The following DLG1 variants were observed in gnomAD, a reference collection of about 807,000 sequenced individuals.
DLG1 encodes disks large homolog 1.
In DLG1, 42 loss-of-function variants were observed where a neutral mutation model predicts 123.4. The ratio of observed to expected loss-of-function variants is 0.34; its 90% CI spans 0.27 to 0.44. The LOEUF (loss-of-function observed/expected upper bound fraction) is 0.44. DLG1 is among the 20% of genes least tolerant of loss of function. The pLI, the probability that DLG1 is intolerant of heterozygous loss-of-function variation, is 1.00. For missense variants in DLG1, 942 were observed against 1,082.6 expected, an observed-to-expected ratio of 0.87 and a Z score of 1.82; for synonymous variants, 317 against 356.2, an observed-to-expected ratio of 0.89 and a Z score of 1.24.
intron 13 of DLG1, among the ~76,000 whole-genome samples, chr3:197,107,565 C>A (rs1238984400): frequency 2.6e-5 from 4 of 151,106 alleles, no homozygotes; most frequent in Admixed American, 6.6e-5. Context: ...AACAAAAAAA[C>A]CAAACCCAAA....
chr3:197,088,059 T>C (rs1354443045), intron 15 of DLG1, among the ~76,000 whole-genome samples: 1 of 152,136 alleles, frequency 6.6e-6, no homozygotes, highest in Admixed American at 6.5e-5. Flanking sequence ...TCTAAGGATA[T>C]TTAATTATAG....
intron 4 of DLG1, among the ~76,000 whole-genome samples, chr3:197,259,946 G>A (rs2150950682): frequency 6.6e-6 from 1 of 152,282 alleles, no homozygotes; most frequent in African/African-American, 2.4e-5. Flanking sequence ...GGACACAAAG[G>A]GGAGAAGAGT....
At chr3:197,127,423 CAAAAAAAAAAAAAAAAAAAAAA>C (rs34530877) in intron 11 of DLG1, among the ~76,000 whole-genome samples, 1 of 39,560 alleles carries the variant, frequency 2.5e-5, no homozygotes. Flanking sequence ...ATTCTGTCTC[CAAAAAAAAAAAAAAAAAAAAAA>C]AAAAAAAAAA....
intron 5 of DLG1, among the ~76,000 whole-genome samples, chr3:197,172,940 G>A (rs552299899): frequency 6.6e-6 from 1 of 152,170 alleles, no homozygotes; most frequent in South Asian, 2.1e-4. Flanking sequence ...TTCTTACTGA[G>A]GGCTCATATT....
At chr3:197,139,983 T>C (rs1387120660) in intron 8 of DLG1, among the ~76,000 whole-genome samples, 157 bp downstream of exon 8, 2 of 152,224 alleles carry the variant, frequency 1.3e-5, no homozygotes, top group African/African-American at 4.8e-5. Context: ...GCTTAGAGCA[T>C]AATTATCTCA....
intron 4 of DLG1, chr3:197,225,814 A>G (rs1578320743): frequency 6.6e-6 from 1 of 152,664 alleles, no homozygotes; most frequent in South Asian, 2.1e-4. Context: ...ATACTATTGG[A>G]TTTTAAAACC....
intron 7 of DLG1, 100 bp downstream of exon 7, chr3:197,142,618 C>T (rs1788594442): frequency 3.6e-6 from 3 of 835,542 alleles, no homozygotes; most frequent in African/African-American, 3.6e-5. Context: ...TAGAAAATAT[C>T]ATATAGTTCT....
intron 7 of DLG1, among the ~76,000 whole-genome samples, chr3:197,140,779 G>A (rs566777637): frequency 6.6e-6 from 1 of 152,270 alleles, no homozygotes; most frequent in Non-Finnish European, 1.5e-5. Flanking sequence ...CCAAATTGTG[G>A]CTGCTAAGTG....
In DLG1 at chr3:197,136,490, A is replaced by T. The variant is rs1364650120; in HGVS notation, c.1020+52T>A. 6 of 1,506,462 alleles carry T rather than the reference A, an allele frequency of 4.0e-6. No homozygotes were observed. The East Asian group carries it at 1.4e-4, about 35-fold the overall frequency. The allele number at this position is 1,506,462 out of a possible 1,614,324, so 93.3% of individuals were successfully genotyped here. A position where few individuals can be genotyped will look rare whatever the true frequency, so the allele number is the denominator to read the frequency against. ...GGAGAAATTCCAGTATCTATCAGAAAAATAAACAGACTACAAAATGATTTA... is the reference window on the plus strand; with the variant it reads ...GGAGAAATTCCAGTATCTATCAGAATAATAAACAGACTACAAAATGATTTA... On this transcript the variant is annotated intron_variant, in intron 10 of 24. Transcript: ENST00000667157.
chr3:197,257,977 C>T (rs115742111), intron 4 of DLG1, among the ~76,000 whole-genome samples: 3,868 of 152,172 alleles, frequency 0.025, 163 homozygotes, highest in African/African-American at 0.088. Flanking sequence ...AACTTACAAA[C>T]ACAAAAATAA....
At chr3:197,090,674 T>C (rs568517209) in intron 15 of DLG1, among the ~76,000 whole-genome samples, 1 of 152,194 alleles carries the variant, frequency 6.6e-6, no homozygotes, top group South Asian at 2.1e-4. Flanking sequence ...AGAAATTTCT[T>C]CCTTTATTAT....
chr3:197,190,427 C>A (rs1419972738), intron 5 of DLG1, among the ~76,000 whole-genome samples: 1 of 152,094 alleles, frequency 6.6e-6, no homozygotes, highest in African/African-American at 2.4e-5. Flanking sequence ...CCTCTGTATA[C>A]TTGGGTTTTG....
intron 4 of DLG1, among the ~76,000 whole-genome samples, chr3:197,203,255 C>A (rs545035886): frequency 1.3e-5 from 2 of 152,060 alleles, no homozygotes; most frequent in African/African-American, 2.4e-5. Context: ...CAGAGTGAGA[C>A]CCTGTCTCAA....
intron 4 of DLG1, among the ~76,000 whole-genome samples, chr3:197,236,723 C>T (rs1746173034): frequency 6.6e-6 from 1 of 152,162 alleles, no homozygotes; most frequent in Non-Finnish European, 1.5e-5. Flanking sequence ...ACAGTTTTAC[C>T]AAGTAACGGA....
intron 5 of DLG1, among the ~76,000 whole-genome samples, chr3:197,185,898 C>T (rs1177555810): frequency 8.5e-5 from 13 of 152,136 alleles, no homozygotes; most frequent in Admixed American, 8.5e-4. Flanking sequence ...AGCCAGAGAA[C>T]TTAGGGGTCA....
At chr3:197,121,335 G>A (rs1041014155) in intron 11 of DLG1, among the ~76,000 whole-genome samples, 15 of 152,038 alleles carry the variant, frequency 9.9e-5, no homozygotes, top group African/African-American at 3.6e-4. Context: ...AGAAGCACAA[G>A]AGTGCCTAAT....
chr3:197,074,320 A>T (rs1173230354), intron 18 of DLG1, among the ~76,000 whole-genome samples: 1 of 152,124 alleles, frequency 6.6e-6, no homozygotes. Flanking sequence ...TTTTCTGAAT[A>T]ACGTCGTCTG....
intron 22 of DLG1, among the ~76,000 whole-genome samples, chr3:197,061,693 T>C (rs1167858783): frequency 1.3e-5 from 2 of 152,218 alleles, no homozygotes; most frequent in Admixed American, 1.3e-4. Flanking sequence ...CACTCTCGGA[T>C]GGCAGGTTAC....
At chr3:197,059,206 T>A (rs1235565797) in intron 23 of DLG1, among the ~76,000 whole-genome samples, 1 of 152,186 alleles carries the variant, frequency 6.6e-6, no homozygotes, top group Non-Finnish European at 1.5e-5. Context: ...ATTACAGACG[T>A]GAGCCACTGT....
Sources: allele counts gnomAD v4.1 joint callset (sites outside exome capture counted in the v4.1 genomes callset), GRCh38; gene constraint gnomAD v4.1.1; transcripts MANE v1.5; gene names NCBI Gene and HGNC (gene_info 2026-07-23, HGNC 2026-07-21).